SCGB2B2: variants seen among roughly 807,000 people sequenced by gnomAD.
The protein encoded by SCGB2B2 is secretoglobin-like protein.
Under a neutral mutation model 7.6 loss-of-function variants are expected in SCGB2B2, and 11 were observed. The observed-to-expected ratio is 1.45, with a 90% CI of 0.91 to 2.40. The LOEUF is 2.40. SCGB2B2 is among the 30% of genes most tolerant of loss of function. The pLI is 0.00. For missense variants in SCGB2B2, 104 were observed against 115.4 expected (o/e 0.90, Z 0.45); for synonymous variants, 50 against 48.6 (o/e 1.03, Z -0.12).
intron 1 of SCGB2B2, among the ~76,000 whole-genome samples, chr19:34,608,137 C>T (rs765085032): frequency 1.6e-4 from 24 of 151,950 alleles, no homozygotes; most frequent in Non-Finnish European, 3.1e-4. Context: ...TTTTCCTCAT[C>T]GTGTTTTATA....
rs567580095 is a variant in SCGB2B2, at chr19:34,593,120, G to A, written c.*435C>T. Among the ~76,000 whole-genome samples the A allele has an allele frequency of 6.6e-6, 1 of 152,128 alleles. No individual in the cohort carries two copies. ...GTGGATCATTTGCGGTCAGGAGTTT[G>A]AGACCAGCCTGGCCAACATGGCAAA... On this transcript the variant is annotated 3_prime_UTR_variant, in exon 4 of 4. Coordinates refer to ENST00000601241, the MANE Select transcript of SCGB2B2 (RefSeq NM_001025591.4).
intron 1 of SCGB2B2, among the ~76,000 whole-genome samples, chr19:34,633,788 T>G (rs2066600341): frequency 2.7e-5 from 1 of 37,188 alleles, no homozygotes; most frequent in South Asian, 1.0e-3. Context: ...TCAATAGAGC[T>G]TTAAAAAATG....
At position 34,595,820 on chromosome 19, in the gene SCGB2B2, A is replaced by C. The variant is rs1370278285; in HGVS notation, c.-1257T>G. ...AGGGGCAGAATCAGCAGGTGGGGACAGCTGGGGGTGGGGAAGGCAGCAGGG... is the reference window on the plus strand; with the variant it reads ...AGGGGCAGAATCAGCAGGTGGGGACCGCTGGGGGTGGGGAAGGCAGCAGGG... On this transcript the variant is annotated 5_prime_UTR_variant, in exon 2 of 4. Transcript: ENST00000601241. 1.3e-5 allele frequency: 2 copies of C among 152,392 alleles called. No homozygotes were observed. Among genetic ancestry groups the C allele is most frequent in the African/African-American group, 4.8e-5 (2 of 41,466 alleles). 9.4% of individuals were successfully genotyped at this position (152,392 alleles called of 1,614,324 possible). A position where few individuals can be genotyped will look rare whatever the true frequency, so the allele number is the denominator to read the frequency against.
chr19:34,644,604 T>G (rs8112651), intron 1 of SCGB2B2, among the ~76,000 whole-genome samples: 14,874 of 152,206 alleles, frequency 0.098, 862 homozygotes, highest in Middle Eastern at 0.24. Context: ...AGTTAGTTGC[T>G]TATTCTGGGT....
chr19:34,603,960 A>C (rs1194409553), intron 1 of SCGB2B2, among the ~76,000 whole-genome samples: 1 of 151,962 alleles, frequency 6.6e-6, no homozygotes. Context: ...ATATGGCTGA[A>C]GGGTCTTAGG....
intron 1 of SCGB2B2, among the ~76,000 whole-genome samples, chr19:34,662,530 A>AC (rs1405041835): frequency 1.0e-4 from 15 of 142,860 alleles, no homozygotes; most frequent in Non-Finnish European, 2.2e-4. Flanking sequence ...CACACACACA[A>AC]CATGAAGCAT....
At chr19:34,643,922 C>A (rs1263125837) in intron 1 of SCGB2B2, among the ~76,000 whole-genome samples, 1 of 151,476 alleles carries the variant, frequency 6.6e-6, no homozygotes, top group Non-Finnish European at 1.5e-5. Context: ...AAAAAGAAGA[C>A]AATTACTTTC....
In SCGB2B2 at chr19:34,594,239, A is replaced by G. The variant is rs374664256; in HGVS notation, c.182T>C (p.Leu61Pro). The change falls in exon 3 of 4, where the codon CTC (leucine) becomes CCC (proline). Residue 61 changes from leucine (L) to proline (P), a missense_variant. Leu to Pro is a moderately conservative substitution (Grantham distance 98, BLOSUM62 -3). Transcript: ENST00000601241. ...NPSPLTEESF[L>P]NVQQCFANVS... Reference sequence around the variant, plus strand: ...ATTGGCAAAGCATTGCTGGACATTGAGGAAGGACTCCTCTGTCAGGGGACT... The same window carrying G: ...ATTGGCAAAGCATTGCTGGACATTGGGGAAGGACTCCTCTGTCAGGGGACT... 8.1e-6 allele frequency: 13 copies of G among 1,613,996 alleles called. No homozygotes were observed. The highest frequency in any genetic ancestry group is 1.3e-5 in the African/African-American group (1 of 74,922).
At position 34,593,223 on chromosome 19, in the gene SCGB2B2, G is replaced by A. The variant is rs1263242421; in HGVS notation, c.*332C>T. On this transcript the variant is annotated 3_prime_UTR_variant, in exon 4 of 4. Transcript: ENST00000601241. ...TGTATTCTGCTACTCAGGAGGCAGAGGCAGGAGAATCGCTTGAACCCAGAA... is the reference window on the plus strand; with the variant it reads ...TGTATTCTGCTACTCAGGAGGCAGAAGCAGGAGAATCGCTTGAACCCAGAA... 1 of 243,170 alleles carries A rather than the reference G, an allele frequency of 4.1e-6. No individual in the cohort carries two copies. Among genetic ancestry groups the A allele is most frequent in the African/African-American group, 2.2e-5 (1 of 44,612 alleles). 15.1% of individuals were successfully genotyped at this position (243,170 alleles called of 1,614,324 possible).
At chr19:34,649,705 T>C (rs956563732) in intron 1 of SCGB2B2, among the ~76,000 whole-genome samples, 3 of 151,784 alleles carry the variant, frequency 2.0e-5, no homozygotes, top group Non-Finnish European at 4.4e-5. Context: ...CAAAAAAATT[T>C]TAGCTGGGTG....
chr19:34,628,749 C>A (rs1172937523), intron 1 of SCGB2B2, among the ~76,000 whole-genome samples: 1 of 151,956 alleles, frequency 6.6e-6, no homozygotes, highest in Non-Finnish European at 1.5e-5. Flanking sequence ...AAGAGGGAAT[C>A]CTCTCTAACT....
downstream of SCGB2B2, among the ~76,000 whole-genome samples, chr19:34,586,469 C>A (rs187713803): frequency 9.4e-4 from 143 of 152,262 alleles, no homozygotes; most frequent in Middle Eastern, 3.4e-3. Context: ...AACCGCTGAT[C>A]AGCTTTATGT....
At chr19:34,601,942 T>C (rs1296500513) in intron 1 of SCGB2B2, among the ~76,000 whole-genome samples, 1 of 152,062 alleles carries the variant, frequency 6.6e-6, no homozygotes, top group Non-Finnish European at 1.5e-5. Flanking sequence ...ATAATAATTT[T>C]TAAATTTTGG....
rs979690029 is a variant in SCGB2B2 at position 34,676,562 on chromosome 19, A to G, written c.-2964T>C. The G allele has an allele frequency of 1.3e-5, 2 of 152,050 alleles. No individual in the cohort carries two copies. The highest frequency in any genetic ancestry group is 2.9e-5 in the Non-Finnish European group (2 of 68,008). 9.4% of individuals were successfully genotyped at this position (152,050 alleles called of 1,614,324 possible). A position where few individuals can be genotyped will look rare whatever the true frequency, so the allele number is the denominator to read the frequency against. On this transcript the variant is annotated 5_prime_UTR_variant, in exon 1 of 4. The change abolishes an upstream ATG in the 5' untranslated region. Transcript: ENST00000601241. The stretch of plus-strand genomic sequence containing the variant: ...CTGCTGCTCTAACAATGGAGTACCC[A>G]TTGTTTCTTTACTTTCTTAATACAC...
At chr19:34,630,009 G>C (rs1404142446) in intron 1 of SCGB2B2, among the ~76,000 whole-genome samples, 3 of 151,944 alleles carry the variant, frequency 2.0e-5, no homozygotes, top group Admixed American at 6.6e-5. Flanking sequence ...AGAAGAAATG[G>C]GGAAAGGATT....
intron 1 of SCGB2B2, among the ~76,000 whole-genome samples, chr19:34,627,943 A>AACT: frequency 6.6e-6 from 1 of 152,342 alleles, no homozygotes; most frequent in Middle Eastern, 3.4e-3. Flanking sequence ...AGTGCAATCA[A>AACT]ACTAGAACTC....
At chr19:34,590,235 A>G (rs899196), downstream of SCGB2B2, among the ~76,000 whole-genome samples, 96,026 of 152,020 alleles carry the variant, frequency 0.63, 30,614 homozygotes, top group East Asian at 0.9. Flanking sequence ...GGTCCTGCAC[A>G]GCCCAAGGAC....
At chr19:34,646,097 T>C (rs8105937) in intron 1 of SCGB2B2, 72,690 of 213,334 alleles carry the variant, frequency 0.34, 13,155 homozygotes, top group African/African-American at 0.45. Flanking sequence ...CTGCACATGC[T>C]GCACAGCCAC....
At chr19:34,606,858 C>T (rs900175603) in intron 1 of SCGB2B2, among the ~76,000 whole-genome samples, 2 of 151,648 alleles carry the variant, frequency 1.3e-5, no homozygotes, top group African/African-American at 4.8e-5. Context: ...AGGTTCAGTA[C>T]TATGCATAGG....
Sources: allele counts gnomAD v4.1 joint callset (sites outside exome capture counted in the v4.1 genomes callset), GRCh38; gene constraint gnomAD v4.1.1; transcripts MANE v1.5; gene names NCBI Gene and HGNC (gene_info 2026-07-23, HGNC 2026-07-21).